GLI2: variants seen among roughly 807,000 people sequenced by gnomAD.
GLI2 encodes the protein transcription activator GLI2.
A neutral mutation model predicts 78.9 loss-of-function variants in GLI2; 22 were observed. The ratio of observed to expected loss-of-function variants is 0.28; its 90% CI spans 0.20 to 0.40. The LOEUF (loss-of-function observed/expected upper bound fraction) is 0.40. Among genes scored for constraint, GLI2 ranks in the 10% least tolerant of loss-of-function variants. The pLI, the probability that GLI2 is intolerant of heterozygous loss-of-function variation, is 1.00. For synonymous variants in GLI2, 974 were observed against 963.7 expected, an observed-to-expected ratio of 1.01 and a Z score of -0.20; for missense variants, 2,097 against 2,213.2, an observed-to-expected ratio of 0.95 and a Z score of 1.05.
At chr2:120,959,622 C>G (rs1681444820) in intron 5 of GLI2, among the ~76,000 whole-genome samples, 1 of 152,212 alleles carries the variant, frequency 6.6e-6, no homozygotes, top group South Asian at 2.1e-4. Flanking sequence ...ACGCTGAACA[C>G]AACACCTGGG....
intron 1 of GLI2, among the ~76,000 whole-genome samples, chr2:120,761,795 G>A (rs1387279961): frequency 4.6e-5 from 7 of 152,158 alleles, no homozygotes; most frequent in Admixed American, 4.6e-4. Flanking sequence ...GCTCTGTGTT[G>A]CTCCAGTGCC....
rs1039136345 is a variant in GLI2 at position 120,988,897 on chromosome 2, C to T, written c.2932C>T (p.Pro978Ser). 11 of 1,507,954 alleles carry T rather than the reference C, an allele frequency of 7.3e-6. No homozygotes were observed. In the African/African-American group the frequency reaches 1.6e-4, roughly 21 times the overall value. 93.4% of individuals were successfully genotyped at this position (1,507,954 alleles called of 1,614,324 possible). The change falls in exon 14 of 14, where the codon CCC becomes TCC. Residue 978 changes from proline (P) to serine (S), a missense_variant. This residue lies in a region of GLI2 where 1,290 missense variants were observed against 1,261.7 expected (regional missense o/e 1.02). Transcript: ENST00000361492. Reference protein sequence around the residue: ...QRFHSTHNVNPGPLPPCADRR... With the variant: ...QRFHSTHNVNSGPLPPCADRR... ...CTTCCACAGCACCCACAACGTGAAC[C>T]CCGGCCCGCTGCCGCCCTGTGCCGA...
chr2:120,888,717 C>T (rs1274150900), intron 2 of GLI2, among the ~76,000 whole-genome samples: 1 of 152,232 alleles, frequency 6.6e-6, no homozygotes, highest in Non-Finnish European at 1.5e-5. Context: ...GGAAAGCTGA[C>T]TAGCATCGAC....
chr2:120,954,779 G>A (rs184176239), intron 4 of GLI2, among the ~76,000 whole-genome samples: 1 of 152,330 alleles, frequency 6.6e-6, no homozygotes, highest in East Asian at 1.9e-4. Flanking sequence ...CAGGCCAGGA[G>A]CTTTATCTGG....
intron 3 of GLI2, among the ~76,000 whole-genome samples, chr2:120,945,297 A>AAC (rs1317404834): frequency 1.3e-5 from 2 of 151,778 alleles, no homozygotes; most frequent in African/African-American, 4.8e-5. Context: ...CACACACACA[A>AAC]ACACACACAC....
At chr2:120,881,713 AGGGCAGGTGGGGGAGGACAGTGCGGGGG>A (rs1677148899) in intron 2 of GLI2, among the ~76,000 whole-genome samples, 1 of 71,110 alleles carries the variant, frequency 1.4e-5, no homozygotes, top group Non-Finnish European at 2.6e-5. Context: ...CAGTGGGGAG[AGGGCAGGTGGGGGAGGACAGTGCGGGGG>A]AGAACAGTGC....
rs572000523 is a variant in GLI2 at position 120,858,531 on chromosome 2, G to A, written c.148+61063G>A. ...ACCCTTGTCCTGTCTCATCCTCTTG[G>A]CCACCGGCCTGCTAGTCCCCTGGGC... On this transcript the variant is annotated intron_variant, in intron 2 of 13. Transcript: ENST00000361492. 3.3e-5 allele frequency among the ~76,000 whole-genome samples: 5 copies of A among 152,272 alleles called. No individual in the cohort carries two copies. The East Asian group carries it at 9.7e-4, about 29-fold the overall frequency.
chr2:120,807,489 C>T (rs1056350111), intron 2 of GLI2, among the ~76,000 whole-genome samples: 9 of 152,132 alleles, frequency 5.9e-5, no homozygotes, highest in African/African-American at 1.4e-4. Flanking sequence ...GTAGCGCATA[C>T]GTTCCTTAAA....
chr2:120,949,794 G>T (rs1680891475), intron 3 of GLI2, among the ~76,000 whole-genome samples: 2 of 152,240 alleles, frequency 1.3e-5, no homozygotes, highest in Non-Finnish European at 2.9e-5. Flanking sequence ...GGGGGTGTTT[G>T]TGAAACCCAG....
At chr2:120,744,923 G>A (rs544207044) in intron 1 of GLI2, among the ~76,000 whole-genome samples, 1 of 152,290 alleles carries the variant, frequency 6.6e-6, no homozygotes, top group East Asian at 1.9e-4. Flanking sequence ...GGGGTGATGA[G>A]GAATAATGTC....
At chr2:120,860,239 G>T (rs928629769) in intron 2 of GLI2, among the ~76,000 whole-genome samples, 2 of 152,202 alleles carry the variant, frequency 1.3e-5, no homozygotes, top group African/African-American at 2.4e-5. Context: ...GGTGTTTAGA[G>T]TAAGGTCAAG....
At chr2:120,821,187 G>A (rs1031915286) in intron 2 of GLI2, among the ~76,000 whole-genome samples, 4 of 152,110 alleles carry the variant, frequency 2.6e-5, no homozygotes, top group African/African-American at 7.2e-5. Context: ...GCCTCTGTAC[G>A]GGGGAGGTTC....
At chr2:120,822,752 G>A (rs1224954343) in intron 2 of GLI2, among the ~76,000 whole-genome samples, 1 of 152,160 alleles carries the variant, frequency 6.6e-6, no homozygotes, top group South Asian at 2.1e-4. Context: ...AATTAAGGAC[G>A]TTAAAATACA....
At chr2:120,972,973 A>G (rs148021098) in intron 8 of GLI2, among the ~76,000 whole-genome samples, 2,049 of 152,186 alleles carry the variant, frequency 0.013, 48 homozygotes, top group African/African-American at 0.045. Context: ...TGGTCCCCCA[A>G]GCCCTCTCAT....
At chr2:120,906,578 T>C (rs1573576094) in intron 2 of GLI2, among the ~76,000 whole-genome samples, 1 of 152,114 alleles carries the variant, frequency 6.6e-6, no homozygotes, top group African/African-American at 2.4e-5. Context: ...TCCTTCAAGG[T>C]CGCAGCCACC....
intron 1 of GLI2, among the ~76,000 whole-genome samples, chr2:120,795,399 T>G (rs1684340925): frequency 6.6e-6 from 1 of 151,372 alleles, no homozygotes; most frequent in African/African-American, 2.4e-5. Flanking sequence ...GGCGCATGCC[T>G]GTAATCCCAG....
chr2:120,979,882 A>G (rs1682631450), intron 10 of GLI2, among the ~76,000 whole-genome samples: 1 of 152,198 alleles, frequency 6.6e-6, no homozygotes, highest in Non-Finnish European at 1.5e-5. Context: ...AATTTCATAA[A>G]AACTGAAATC....
At chr2:120,818,792 A>G (rs950960125) in intron 2 of GLI2, among the ~76,000 whole-genome samples, 5 of 152,214 alleles carry the variant, frequency 3.3e-5, no homozygotes, top group Non-Finnish European at 7.3e-5. Flanking sequence ...GATGTTTACG[A>G]AAGGCCTACT....
intron 2 of GLI2, among the ~76,000 whole-genome samples, chr2:120,859,410 G>T (rs1297031145): frequency 6.6e-6 from 1 of 151,212 alleles, no homozygotes; most frequent in Non-Finnish European, 1.5e-5. Context: ...TGTGTTGAGT[G>T]AATGCAGCTC....
Sources: gnomAD v4.1 joint callset for allele counts (sites outside exome capture counted in the v4.1 genomes callset) on GRCh38, gnomAD v4.1.1 for gene constraint, gnomAD v4.1.1 regional missense constraint, MANE v1.5 for transcripts, NCBI Gene and HGNC (gene_info 2026-07-23, HGNC 2026-07-21) for gene names.